The following NLRC4 variants were observed in gnomAD, a reference collection of about 807,000 sequenced individuals.
NLRC4 encodes NLR family CARD domain containing 4.
In NLRC4, 63 loss-of-function variants were observed where a neutral mutation model predicts 79.9. That is an observed-to-expected ratio of 0.79 (90% CI 0.64 to 0.97). NLRC4 has a LOEUF of 0.97. NLRC4 is among the 50% of genes least tolerant of loss of function. NLRC4 has a pLI of 0.00. For synonymous variants in NLRC4, 461 were observed against 456.5 expected, an observed-to-expected ratio of 1.01 and a Z score of -0.12; for missense variants, 1,074 against 1,215.2, an observed-to-expected ratio of 0.88 and a Z score of 1.73.
intron 8 of NLRC4, among the ~76,000 whole-genome samples, chr2:32,228,136 T>A (rs922988495): frequency 1.3e-5 from 2 of 152,174 alleles, no homozygotes; most frequent in Non-Finnish European, 2.9e-5. Context: ...TAAATGGGCT[T>A]ACAAAATAGT....
chr2:32,249,814 A>G lies in NLRC4; in HGVS notation c.2050T>C (p.Phe684Leu), dbSNP rs773143662. ...AGCCTGAGGCTTGTGGCAGAGCTGAATATTTTCCCCAGATATCTGATATCT... is the reference window on the plus strand; with the variant it reads ...AGCCTGAGGCTTGTGGCAGAGCTGAGTATTTTCCCCAGATATCTGATATCT... ...KQDIRYLGKIFSSATSLRLQI... is the reference protein window; with the variant it reads ...KQDIRYLGKILSSATSLRLQI... Residue 684 changes from phenylalanine (F) to leucine (L), a missense_variant, in exon 4 of 9, where the codon TTC (phenylalanine) becomes CTC (leucine). Coordinates refer to ENST00000402280, the MANE Select transcript of NLRC4 (RefSeq NM_001199138.2). 1 of 1,614,186 alleles carries G rather than the reference A, an allele frequency of 6.2e-7. No individual in the cohort carries two copies. Among genetic ancestry groups the G allele is most frequent in the Admixed American group, 1.7e-5 (1 of 60,014 alleles).
At position 32,250,303 on chromosome 2, in the gene NLRC4, G is replaced by A. The variant is rs780806427; in HGVS notation, c.1561C>T (p.Leu521Phe). Residue 521 changes from leucine to phenylalanine, a missense_variant, in exon 4 of 9, where the codon CTT becomes TTT. By Grantham distance (22) the Leu-to-Phe change is conservative. Coordinates refer to ENST00000402280, the MANE Select transcript of NLRC4 (RefSeq NM_001199138.2). This position sits in a 1 kb window ranked among gnomAD's most constrained non-coding sequence, Gnocchi z 4.9. ...AVYQHGCLLG[L>F]SIAKRPLWRQ... Reference sequence around the variant, plus strand: ...CAGAGAGGCCTCTTGGCGATGGAAAGTCCGAGAAGGCAGCCGTGTTGATAC... The same window carrying A: ...CAGAGAGGCCTCTTGGCGATGGAAAATCCGAGAAGGCAGCCGTGTTGATAC... 5.6e-6 allele frequency: 9 copies of A among 1,614,198 alleles called. No homozygotes were observed. Among genetic ancestry groups the A allele is most frequent in the Non-Finnish European group, 7.6e-6 (9 of 1,180,038 alleles).
intron 8 of NLRC4, among the ~76,000 whole-genome samples, chr2:32,233,660 G>A (rs1222273369): frequency 6.6e-6 from 1 of 152,070 alleles, no homozygotes; most frequent in Non-Finnish European, 1.5e-5. Flanking sequence ...ACTTGAATCA[G>A]ATTTCAATTT....
intron 8 of NLRC4, among the ~76,000 whole-genome samples, chr2:32,232,082 A>G (rs937050579): frequency 7.9e-5 from 12 of 152,128 alleles, no homozygotes; most frequent in African/African-American, 2.7e-4. Flanking sequence ...GATGGGGGAT[A>G]TGGATCTTTG....
chr2:32,251,612 A>G lies in NLRC4; in HGVS notation c.263-11T>C, dbSNP rs1382169518. On this transcript the variant is annotated splice_polypyrimidine_tract_variant and intron_variant, in intron 3 of 8. Coordinates refer to ENST00000402280, the MANE Select transcript of NLRC4 (RefSeq NM_001199138.2). ...TCTGATGAAAAAGACCTATTAGAGA[A>G]GAGGTGATGTTAAAGAAGACCCAAT... 6.4e-6 allele frequency: 10 copies of G among 1,560,384 alleles called. No homozygotes were observed. Among genetic ancestry groups the G allele is most frequent in the Non-Finnish European group, 8.7e-6 (10 of 1,152,674 alleles).
chr2:32,253,912 C>A (rs1283272465), intron 2 of NLRC4, among the ~76,000 whole-genome samples: 1 of 143,042 alleles, frequency 7.0e-6, no homozygotes, highest in South Asian at 2.2e-4. Context: ...TGCGGTGAGC[C>A]GAGATGGTGC....
chr2:32,233,349 A>ATATATATATATATATATATT (rs1418146489), intron 8 of NLRC4, among the ~76,000 whole-genome samples: 3 of 41,094 alleles, frequency 7.3e-5, no homozygotes, highest in African/African-American at 9.5e-5. Context: ...ATATATATAT[A>ATATATATATATATATATATT]TTTTTTTTTT....
rs768231950 is a variant in NLRC4 at position 32,235,564 on chromosome 2, G to C, written c.2619C>G (p.Asp873Glu). 6.2e-7 allele frequency: 1 copy of C among 1,612,962 alleles called. No individual in the cohort carries two copies. The highest frequency in any genetic ancestry group is 8.5e-7 in the Non-Finnish European group (1 of 1,179,118). Reference protein sequence around the residue: ...DGNEALHELIDRMNVLEQLTA... With the variant: ...DGNEALHELIERMNVLEQLTA... ...TGAGCTGTTCTAGCACGTTCATCCTGTCGACTGGAAGAAACAAAGAGCAGT... is the reference window on the plus strand; with the variant it reads ...TGAGCTGTTCTAGCACGTTCATCCTCTCGACTGGAAGAAACAAAGAGCAGT... Residue 873 changes from aspartate (D) to glutamate (E), a missense_variant, in exon 8 of 9, where the codon GAC (aspartate) becomes GAG (glutamate). Asp to Glu is a conservative substitution (Grantham distance 45). Coordinates refer to ENST00000402280, the MANE Select transcript of NLRC4 (RefSeq NM_001199138.2).
At chr2:32,254,204 G>A (rs1207417580) in intron 2 of NLRC4, among the ~76,000 whole-genome samples, 2 of 151,936 alleles carry the variant, frequency 1.3e-5, no homozygotes, top group Admixed American at 1.3e-4. Flanking sequence ...TTCCTCATCT[G>A]TACAATGGTG....
chr2:32,243,670 C>T (rs374120057), intron 4 of NLRC4, among the ~76,000 whole-genome samples: 88 of 150,982 alleles, frequency 5.8e-4, no homozygotes, highest in African/African-American at 2.1e-3. Context: ...CGTGGTGGCG[C>T]GCCTGTAGTC....
chr2:32,234,338 C>T (rs1030731076), intron 8 of NLRC4, among the ~76,000 whole-genome samples: 4 of 151,606 alleles, frequency 2.6e-5, no homozygotes, highest in African/African-American at 4.8e-5. Flanking sequence ...GCTAAGATTG[C>T]GCAACTGCAC....
At chr2:32,230,502 C>A (rs1415985592) in intron 8 of NLRC4, among the ~76,000 whole-genome samples, 1 of 144,414 alleles carries the variant, frequency 6.9e-6, no homozygotes, top group Non-Finnish European at 1.5e-5. Flanking sequence ...GGTAGAGTCT[C>A]ACTCTCCCAC....
chr2:32,244,356 C>A (rs1466215883), intron 4 of NLRC4, among the ~76,000 whole-genome samples: 2 of 151,902 alleles, frequency 1.3e-5, no homozygotes, highest in African/African-American at 4.8e-5. Context: ...CAATCCAACA[C>A]CTATTCATGA....
In NLRC4 at chr2:32,249,664, A is replaced by T; in HGVS notation, c.2200T>A (p.Ser734Thr). Residue 734 changes from serine (S) to threonine (T), a missense_variant, in exon 4 of 9, where the codon TCT becomes ACT. Transcript: ENST00000402280. ...CTCAAGGTTTTCAGGTTTGTTACAG[A>T]TGTGATGTGCCTCTCATCTTCTATG... The part of the protein sequence containing the change: ...LTIEDERHIT[S>T]VTNLKTLSIH... The T allele has an allele frequency of 6.2e-7, 1 of 1,613,664 alleles. No homozygotes were observed. Among genetic ancestry groups the T allele is most frequent in the Non-Finnish European group, 8.5e-7 (1 of 1,179,830 alleles).
chr2:32,262,363 G>A (rs1424462942), intron 1 of NLRC4, among the ~76,000 whole-genome samples: 1 of 152,222 alleles, frequency 6.6e-6, no homozygotes, highest in Admixed American at 6.5e-5. Flanking sequence ...AGTAGAAAAA[G>A]AGGAAGAAGA....
rs750822268 is a variant in NLRC4, at chr2:32,235,386, T to C, written c.2782+15A>G. Reference sequence around the variant, plus strand: ...GCCAAATCCAGTTATCTTGGCTCTGTATGTGTGTACCTACCTAAAATTCTA... The same window carrying C: ...GCCAAATCCAGTTATCTTGGCTCTGCATGTGTGTACCTACCTAAAATTCTA... On this transcript the variant is annotated intron_variant, in intron 8 of 8. Coordinates refer to ENST00000402280, the MANE Select transcript of NLRC4 (RefSeq NM_001199138.2). 6.2e-7 allele frequency: 1 copy of C among 1,604,740 alleles called. No homozygotes were observed. The highest frequency in any genetic ancestry group is 1.1e-5 in the South Asian group (1 of 90,894).
chr2:32,233,354 T>TA (rs1558447328), intron 8 of NLRC4, among the ~76,000 whole-genome samples: 2 of 88,652 alleles, frequency 2.3e-5, no homozygotes, highest in South Asian at 3.2e-4. Flanking sequence ...TATATATTTT[T>TA]TTTTTTTTTT....
At chr2:32,229,810 T>C (rs1014536114) in intron 8 of NLRC4, among the ~76,000 whole-genome samples, 1 of 152,218 alleles carries the variant, frequency 6.6e-6, no homozygotes. Context: ...TAAACACTTC[T>C]GAAAGTGTCT....
intron 8 of NLRC4, among the ~76,000 whole-genome samples, chr2:32,230,345 T>TTGTG (rs1686501484): frequency 6.6e-6 from 1 of 152,222 alleles, no homozygotes; most frequent in Non-Finnish European, 1.5e-5. Context: ...TGTTTTTTGT[T>TTGTG]TGTTTGTTTG....
Sources: allele counts gnomAD v4.1 joint callset (sites outside exome capture counted in the v4.1 genomes callset), GRCh38; gene constraint gnomAD v4.1.1; non-coding constraint Gnocchi (gnomAD v3.1); transcripts MANE v1.5; gene names NCBI Gene and HGNC (gene_info 2026-07-23, HGNC 2026-07-21).